Variants in EML4 observed in about 807,000 individuals in gnomAD.
The protein encoded by EML4 is EMAP like 4.
In EML4, 72 loss-of-function variants were observed where a neutral mutation model predicts 129.0. The observed-to-expected ratio is 0.56, with a 90% CI of 0.46 to 0.68. EML4 has a LOEUF of 0.68. Among genes scored for constraint, EML4 ranks in the 30% least tolerant of loss-of-function variants. The probability of loss-of-function intolerance (pLI) is 0.00; values close to 1 mark genes in which losing one functional copy is unlikely to be tolerated. For synonymous variants in EML4, 532 were observed against 405.0 expected, an observed-to-expected ratio of 1.31 and a Z score of -3.77; for missense variants, 1,363 against 1,190.6, an observed-to-expected ratio of 1.14 and a Z score of -2.13.
rs942462452 is a variant in EML4 at position 42,331,874 on chromosome 2, A to T, written c.*1667A>T. ...AGAAGATATGCACCACGTTGAAAAT[A>T]CTCAGTGTAGATCTCTATGTGTATA... On this transcript the variant is annotated 3_prime_UTR_variant, in exon 23 of 23. Coordinates refer to ENST00000318522, the MANE Select transcript of EML4 (RefSeq NM_019063.5). 15 of 217,926 alleles carry T rather than the reference A, an allele frequency of 6.9e-5. No homozygotes were observed. The Admixed American group carries it at 7.6e-4, about 11-fold the overall frequency. 13.5% of individuals were successfully genotyped at this position (217,926 alleles called of 1,614,324 possible).
At chr2:42,170,282 G>C (rs751296887) in intron 1 of EML4, 1 of 152,442 alleles carries the variant, frequency 6.6e-6, no homozygotes, top group South Asian at 2.1e-4. Context: ...AGCATCATTT[G>C]CTTAATGCAG....
intron 19 of EML4, among the ~76,000 whole-genome samples, chr2:42,318,859 C>T (rs1669378460): frequency 6.6e-6 from 1 of 152,044 alleles, no homozygotes; most frequent in South Asian, 2.1e-4. Flanking sequence ...TGTGTGCCAC[C>T]TTGCCCGGCT....
At chr2:42,265,492 AG>A (rs895008487) in intron 6 of EML4, among the ~76,000 whole-genome samples, 9 of 152,268 alleles carry the variant, frequency 5.9e-5, no homozygotes, top group African/African-American at 2.2e-4. Context: ...CTCCCGCCTC[AG>A]CCCCCCAAAA....
At chr2:42,182,264 C>G (rs570566309) in intron 1 of EML4, among the ~76,000 whole-genome samples, 1 of 150,638 alleles carries the variant, frequency 6.6e-6, no homozygotes, top group Non-Finnish European at 1.5e-5. Context: ...CCCACTAACT[C>G]GTCATCTAGC....
At chr2:42,314,502 A>C (rs1461416448) in intron 17 of EML4, among the ~76,000 whole-genome samples, 1 of 152,208 alleles carries the variant, frequency 6.6e-6, no homozygotes, top group Non-Finnish European at 1.5e-5. Context: ...TTATATGTGA[A>C]TACTTGAGTT....
At chr2:42,251,617 A>G (rs1169257900) in intron 2 of EML4, among the ~76,000 whole-genome samples, 1 of 152,246 alleles carries the variant, frequency 6.6e-6, no homozygotes, top group Non-Finnish European at 1.5e-5. Context: ...CTGAAGCAAG[A>G]GTAATCAGCC....
intron 1 of EML4, among the ~76,000 whole-genome samples, chr2:42,187,559 T>C (rs1298820875): frequency 6.6e-6 from 1 of 152,240 alleles, no homozygotes; most frequent in Non-Finnish European, 1.5e-5. Context: ...CTATTAGTTT[T>C]GGCTGTTACG....
intron 6 of EML4, among the ~76,000 whole-genome samples, chr2:42,276,281 C>T (rs1666652524): frequency 2.6e-5 from 4 of 152,080 alleles, no homozygotes. Flanking sequence ...TATAGATTTT[C>T]TATTTCTTTT....
At chr2:42,273,004 G>A (rs939442908) in intron 6 of EML4, among the ~76,000 whole-genome samples, 10 of 152,106 alleles carry the variant, frequency 6.6e-5, no homozygotes, top group Non-Finnish European at 1.3e-4. Context: ...GTTCTGCTGA[G>A]GCCTCCTGAT....
At position 42,172,059 on chromosome 2, in the gene EML4, C is replaced by CT. The variant is rs79553687; in HGVS notation, c.25+2436dup. Among the ~76,000 whole-genome samples, 644 of 144,488 alleles carry CT rather than the reference C, an allele frequency of 4.5e-3. 2 individuals carry two copies. Among genetic ancestry groups the CT allele is most frequent in the African/African-American group, 0.012 (459 of 39,550 alleles). The allele number at this position is 144,488 out of a possible 152,430, so 94.8% of individuals were successfully genotyped here. A position where few individuals can be genotyped will look rare whatever the true frequency, so the allele number is the denominator to read the frequency against. ...TTCTACTCTAGTAGGTGTTTAAAAA[C>CT]TTTTTTTTTTTTTAAACAAGAAGTC... On this transcript the variant is annotated intron_variant, in intron 1 of 22. Coordinates refer to ENST00000318522, the MANE Select transcript of EML4 (RefSeq NM_019063.5).
chr2:42,181,522 A>T (rs2103842543), intron 1 of EML4, among the ~76,000 whole-genome samples: 1 of 151,882 alleles, frequency 6.6e-6, no homozygotes, highest in South Asian at 2.1e-4. Flanking sequence ...CTGGTCTCAA[A>T]CTCCTGACCT....
intron 1 of EML4, among the ~76,000 whole-genome samples, chr2:42,175,958 C>A (rs1356600012): frequency 6.6e-6 from 1 of 151,216 alleles, no homozygotes; most frequent in Non-Finnish European, 1.5e-5. Context: ...ATACTGCAGA[C>A]ATAATTTTGC....
At chr2:42,180,192 G>T (rs946724013) in intron 1 of EML4, among the ~76,000 whole-genome samples, 3 of 152,084 alleles carry the variant, frequency 2.0e-5, no homozygotes, top group Non-Finnish European at 2.9e-5. Flanking sequence ...GAAAATTCCA[G>T]GCAAACCCTT....
intron 1 of EML4, among the ~76,000 whole-genome samples, chr2:42,235,281 G>A (rs1241424823): frequency 6.6e-6 from 1 of 151,120 alleles, no homozygotes; most frequent in African/African-American, 2.4e-5. Flanking sequence ...GGTGACAAGA[G>A]CGAAACTCCA....
intron 3 of EML4, among the ~76,000 whole-genome samples, chr2:42,259,588 A>G (rs17029456): frequency 0.012 from 1,831 of 152,220 alleles, 34 homozygotes; most frequent in African/African-American, 0.042. Context: ...TGTCTTTCAT[A>G]AAATATATCC....
At chr2:42,322,452 CTTGGTTGT>C (rs1368120770) in intron 19 of EML4, among the ~76,000 whole-genome samples, 3 of 152,214 alleles carry the variant, frequency 2.0e-5, no homozygotes, top group Admixed American at 1.3e-4. Flanking sequence ...TGCTTGGTTG[CTTGGTTGT>C]TTTTTAACTC....
At chr2:42,195,359 A>C (rs921828234) in intron 1 of EML4, among the ~76,000 whole-genome samples, 2 of 152,254 alleles carry the variant, frequency 1.3e-5, no homozygotes, top group African/African-American at 4.8e-5. Flanking sequence ...TATAATGTTT[A>C]ATGTATCATA....
At chr2:42,179,504 ATT>A (rs1360009757) in intron 1 of EML4, among the ~76,000 whole-genome samples, 1 of 152,140 alleles carries the variant, frequency 6.6e-6, no homozygotes, top group African/African-American at 2.4e-5. Context: ...GTAAGAGAAT[ATT>A]TTTATTCTTA....
At chr2:42,281,237 CA>C (rs796514304) in intron 7 of EML4, among the ~76,000 whole-genome samples, 25 of 151,784 alleles carry the variant, frequency 1.6e-4, no homozygotes, top group African/African-American at 5.8e-4. Context: ...ACTAAAGATA[CA>C]AAAAATTAGC....
Sources: allele counts gnomAD v4.1 joint callset (sites outside exome capture counted in the v4.1 genomes callset), GRCh38; gene constraint gnomAD v4.1.1; transcripts MANE v1.5; gene names NCBI Gene and HGNC (gene_info 2026-07-23, HGNC 2026-07-21).